The following DOCK8 variants were observed in gnomAD, a reference collection of about 807,000 sequenced individuals.
DOCK8 encodes the protein dedicator of cytokinesis protein 8.
A neutral mutation model predicts 245.6 loss-of-function variants in DOCK8; 141 were observed. The observed-to-expected ratio is 0.57, with a 90% CI of 0.50 to 0.66. The LOEUF (loss-of-function observed/expected upper bound fraction) is 0.66, where lower values mean the gene tolerates loss of function less well. DOCK8 is among the 30% of genes least tolerant of loss of function. The pLI is 0.00. For synonymous variants in DOCK8, 1,168 were observed against 970.2 expected (o/e 1.20, Z -3.79); for missense variants, 2,965 against 2,603.4 (o/e 1.14, Z -3.02).
rs543384377 is a variant in DOCK8 at position 318,856 on chromosome 9, G to A, written c.827+1728G>A. 3.3e-5 allele frequency among the ~76,000 whole-genome samples: 5 copies of A among 152,336 alleles called. No homozygotes were observed. The East Asian group carries it at 9.6e-4, about 29-fold the overall frequency. ...ATGCATCATCAGGCTACTTTTAGAT[G>A]CAGCGACTATGTCATTTGAGATGGC... On this transcript the variant is annotated intron_variant, in intron 7 of 47. Coordinates refer to ENST00000432829, the MANE Select transcript of DOCK8 (RefSeq NM_203447.4).
chr9:428,263 T>G, intron 34 of DOCK8, 99 bp from the exon 35 acceptor site: 1 of 1,592,358 alleles, frequency 6.3e-7, no homozygotes, highest in Non-Finnish European at 8.6e-7. Flanking sequence ...GACTCACCAC[T>G]GGACATGGAA....
At chr9:260,530 C>T (rs1042924756) in intron 1 of DOCK8, among the ~76,000 whole-genome samples, 1 of 152,190 alleles carries the variant, frequency 6.6e-6, no homozygotes. Flanking sequence ...GTAAAATACT[C>T]TGAAGGACTA....
chr9:244,276 C>CCACACA (rs149153053), intron 1 of DOCK8, among the ~76,000 whole-genome samples: 6,171 of 149,844 alleles, frequency 0.041, 168 homozygotes, highest in South Asian at 0.067. Flanking sequence ...ATTCCCCCCA[C>CCACACA]CACACACACA....
Position 425,468 on chromosome 9 carries a change from C to T in DOCK8, c.4242-1417C>T, listed in dbSNP as rs564133416. ...AATGGCGTGAACCCGGGAAGTGGAG[C>T]TTGCGGTGAGCCAAGATTGCGCCAC... On this transcript the variant is annotated intron_variant, in intron 33 of 47. Transcript: ENST00000432829. Among the ~76,000 whole-genome samples the T allele has an allele frequency of 2.9e-3, 423 of 147,310 alleles. 2 individuals are homozygous for T. The highest frequency in any genetic ancestry group is 0.011 in the African/African-American group (413 of 38,898).
intron 44 of DOCK8, among the ~76,000 whole-genome samples, chr9:447,924 C>G (rs2057315062): frequency 6.6e-6 from 1 of 152,208 alleles, no homozygotes; most frequent in South Asian, 2.1e-4. Context: ...GCTGTACTTC[C>G]TATACTTCTT....
At chr9:217,863 A>G (rs148643939) in intron 1 of DOCK8, among the ~76,000 whole-genome samples, 1 of 152,350 alleles carries the variant, frequency 6.6e-6, no homozygotes, top group Non-Finnish European at 1.5e-5. Context: ...TTTCAAGACC[A>G]TACAACCAGC....
chr9:315,652 TG>T (rs1405273294), intron 6 of DOCK8, among the ~76,000 whole-genome samples: 1 of 152,218 alleles, frequency 6.6e-6, no homozygotes, highest in Admixed American at 6.5e-5. Flanking sequence ...AATCCAGTAT[TG>T]AGCGAGAAAG....
At chr9:221,008 G>A (rs1462090837) in intron 1 of DOCK8, 1 of 182,840 alleles carries the variant, frequency 5.5e-6, no homozygotes, top group Non-Finnish European at 1.2e-5. Context: ...TATATAGTGT[G>A]TTTAAGTGTG....
intron 25 of DOCK8, among the ~76,000 whole-genome samples, chr9:398,902 A>T (rs940471637): frequency 3.3e-5 from 5 of 152,216 alleles, no homozygotes; most frequent in Non-Finnish European, 5.9e-5. Context: ...ATAAATATGC[A>T]TGTAGAAAAA....
chr9:372,193 A>C lies in DOCK8; in HGVS notation c.2016A>C (p.Pro672=), dbSNP rs950041047. 6.2e-7 allele frequency: 1 copy of C among 1,614,008 alleles called. No individual in the cohort carries two copies. The highest frequency in any genetic ancestry group is 8.5e-7 in the Non-Finnish European group (1 of 1,179,968). ...TACATCATCTGTTTCAGTGGCTGCCAATTCTCTTAAATGAACGTCTTCAAA... is the reference window on the plus strand; with the variant it reads ...TACATCATCTGTTTCAGTGGCTGCCCATTCTCTTAAATGAACGTCTTCAAA... ...VETLLGYSWL[P]ILLNERLQTG... The change falls in exon 18 of 48, where the codon CCA becomes CCC. Residue 672 remains proline, a synonymous_variant. Transcript: ENST00000432829.
intron 1 of DOCK8, among the ~76,000 whole-genome samples, chr9:255,670 A>G (rs970193298): frequency 0.019 from 908 of 48,290 alleles, 19 homozygotes; most frequent in African/African-American, 0.053. Flanking sequence ...TCCATCTCCA[A>G]AAAAAAAAAA....
At chr9:423,861 G>A (rs1318272145) in intron 33 of DOCK8, among the ~76,000 whole-genome samples, 3 of 152,284 alleles carry the variant, frequency 2.0e-5, no homozygotes, top group East Asian at 1.9e-4. Context: ...AGACCCCTAA[G>A]TAGGCCTGTT....
At chr9:450,012 G>A in intron 45 of DOCK8, 85 bp downstream of exon 45, 1 of 1,469,512 alleles carries the variant, frequency 6.8e-7, no homozygotes, top group Non-Finnish European at 9.4e-7. Flanking sequence ...CCTTGGGGTT[G>A]ATGAGGACTT....
intron 18 of DOCK8, among the ~76,000 whole-genome samples, chr9:373,544 T>G (rs1193703188): frequency 6.6e-6 from 1 of 152,244 alleles, no homozygotes; most frequent in Non-Finnish European, 1.5e-5. Flanking sequence ...CTGGAGACGC[T>G]TTTAATCTAC....
intron 35 of DOCK8, among the ~76,000 whole-genome samples, chr9:428,938 G>A (rs1259375873): frequency 2.0e-5 from 3 of 152,162 alleles, no homozygotes; most frequent in Non-Finnish European, 4.4e-5. Context: ...TTATCCTGGG[G>A]TAACATGCAG....
intron 14 of DOCK8, among the ~76,000 whole-genome samples, chr9:359,186 T>C (rs1274561677): frequency 6.6e-6 from 1 of 152,206 alleles, no homozygotes; most frequent in African/African-American, 2.4e-5. Context: ...AAAAACCTCA[T>C]AGTTTATTTG....
Position 294,651 on chromosome 9 carries a change from T to G in DOCK8, c.404+5070T>G, listed in dbSNP as rs569339887. Among the ~76,000 whole-genome samples the G allele has an allele frequency of 2.6e-5, 4 of 152,336 alleles. No homozygotes were observed. In the South Asian group the frequency reaches 8.3e-4, roughly 32 times the overall value. ...AAAACCTATGTGCAAATACAGCAGTTTAGCAGTTTTATTTGTAATTGCCAA... is the reference window on the plus strand; with the variant it reads ...AAAACCTATGTGCAAATACAGCAGTGTAGCAGTTTTATTTGTAATTGCCAA... On this transcript the variant is annotated intron_variant, in intron 4 of 47. Coordinates refer to ENST00000432829, the MANE Select transcript of DOCK8 (RefSeq NM_203447.4).
At chr9:319,407 A>C in intron 7 of DOCK8, among the ~76,000 whole-genome samples, 1 of 152,374 alleles carries the variant, frequency 6.6e-6, no homozygotes, top group Middle Eastern at 3.4e-3. Flanking sequence ...TGCCAGGTGC[A>C]CTTGGCCTGC....
At chr9:253,587 A>G (rs974026637) in intron 1 of DOCK8, among the ~76,000 whole-genome samples, 1 of 152,172 alleles carries the variant, frequency 6.6e-6, no homozygotes, top group Non-Finnish European at 1.5e-5. Flanking sequence ...CCTCCATAAG[A>G]CTAAAAGTTA....
Sources: allele counts gnomAD v4.1 joint callset (sites outside exome capture counted in the v4.1 genomes callset), GRCh38; gene constraint gnomAD v4.1.1; transcripts MANE v1.5; gene names NCBI Gene and HGNC (gene_info 2026-07-23, HGNC 2026-07-21).